The following KLHL1 variants were observed in gnomAD, a reference collection of about 807,000 sequenced individuals.
KLHL1 encodes kelch-like protein 1.
Under a neutral mutation model 77.7 loss-of-function variants are expected in KLHL1, and 47 were observed. The observed-to-expected ratio is 0.60, with a 90% CI of 0.48 to 0.77. The LOEUF is 0.77. Ranked by LOEUF, KLHL1 falls within the 30% of genes least tolerant of loss-of-function variation. The pLI, the probability that KLHL1 is intolerant of heterozygous loss-of-function variation, is 0.00. For synonymous variants in KLHL1, 360 were observed against 325.2 expected, an observed-to-expected ratio of 1.11 and a Z score of -1.15; for missense variants, 925 against 910.8, an observed-to-expected ratio of 1.02 and a Z score of -0.20.
intron 6 of KLHL1, among the ~76,000 whole-genome samples, chr13:69,803,665 G>T (rs1366412211): frequency 1.3e-5 from 2 of 152,182 alleles, no homozygotes; most frequent in African/African-American, 4.8e-5. Flanking sequence ...GGTAGATGGG[G>T]AAGGAGAGCT....
chr13:70,077,191 T>C (rs1198920076), intron 1 of KLHL1, among the ~76,000 whole-genome samples: 4 of 151,994 alleles, frequency 2.6e-5, no homozygotes, highest in African/African-American at 9.7e-5. Flanking sequence ...CATAATTTCT[T>C]AAAACTAGAA....
chr13:70,067,117 T>C (rs1887027471), intron 1 of KLHL1, among the ~76,000 whole-genome samples: 1 of 152,192 alleles, frequency 6.6e-6, no homozygotes, highest in African/African-American at 2.4e-5. Flanking sequence ...GACAAACCTG[T>C]TATTACGTGA....
At chr13:69,978,961 G>A (rs1884626469) in intron 1 of KLHL1, among the ~76,000 whole-genome samples, 1 of 152,038 alleles carries the variant, frequency 6.6e-6, no homozygotes, top group East Asian at 1.9e-4. Flanking sequence ...AGAGCTTGGT[G>A]AGACCCTGGT....
At chr13:69,902,639 A>C (rs1001282309) in intron 4 of KLHL1, among the ~76,000 whole-genome samples, 3 of 152,080 alleles carry the variant, frequency 2.0e-5, no homozygotes, top group Non-Finnish European at 2.9e-5. Context: ...CATCATTCTC[A>C]GCAAACTATC....
chr13:69,974,888 A>C (rs1884497983), intron 2 of KLHL1, among the ~76,000 whole-genome samples: 1 of 152,052 alleles, frequency 6.6e-6, no homozygotes, highest in Non-Finnish European at 1.5e-5. Context: ...TATTTGAAAA[A>C]TAAAATCAAT....
intron 1 of KLHL1, among the ~76,000 whole-genome samples, chr13:70,062,441 ACTT>A (rs1886913940): frequency 1.3e-5 from 2 of 152,200 alleles, no homozygotes; most frequent in Non-Finnish European, 2.9e-5. Context: ...TGCAGATAAA[ACTT>A]CTCAACACAA....
intron 7 of KLHL1, among the ~76,000 whole-genome samples, chr13:69,794,323 T>C (rs1048537944): frequency 6.6e-6 from 1 of 152,134 alleles, no homozygotes. Flanking sequence ...AAACGTATCA[T>C]ATGCCTTAGC....
intron 1 of KLHL1, among the ~76,000 whole-genome samples, chr13:69,984,037 G>GAAACCA (rs550664441): frequency 4.3e-4 from 65 of 152,150 alleles, no homozygotes; most frequent in African/African-American, 1.4e-3. Flanking sequence ...TGTCAGACCT[G>GAAACCA]AAACCATAAA....
intron 6 of KLHL1, among the ~76,000 whole-genome samples, chr13:69,810,464 A>T (rs1877824253): frequency 6.6e-6 from 1 of 152,148 alleles, no homozygotes; most frequent in African/African-American, 2.4e-5. Flanking sequence ...AAATTAGGGT[A>T]GAAATTAATT....
intron 4 of KLHL1, among the ~76,000 whole-genome samples, chr13:69,932,263 G>C (rs1420485745): frequency 6.6e-6 from 1 of 151,256 alleles, no homozygotes; most frequent in Non-Finnish European, 1.5e-5. Context: ...TTCATGATAG[G>C]CAAATTATTA....
chr13:70,030,452 C>CCATGTAGTT (rs1360731698), intron 1 of KLHL1, among the ~76,000 whole-genome samples: 1 of 152,186 alleles, frequency 6.6e-6, no homozygotes, highest in Non-Finnish European at 1.5e-5. Flanking sequence ...CTCAAAACCA[C>CCATGTAGTT]TCAACTACAT....
chr13:70,033,139 A>T (rs1251419109), intron 1 of KLHL1, among the ~76,000 whole-genome samples: 1 of 152,148 alleles, frequency 6.6e-6, no homozygotes, highest in African/African-American at 2.4e-5. Context: ...ATTTTGGTAA[A>T]CCTTGAATAC....
intron 4 of KLHL1, among the ~76,000 whole-genome samples, chr13:69,914,006 G>C (rs1303293700): frequency 1.3e-5 from 2 of 152,122 alleles, no homozygotes; most frequent in Non-Finnish European, 2.9e-5. Flanking sequence ...GAAGAACGTG[G>C]AAAGACTAGA....
chr13:69,878,455 A>C (rs769320633), intron 5 of KLHL1, among the ~76,000 whole-genome samples: 7 of 152,106 alleles, frequency 4.6e-5, no homozygotes, highest in Admixed American at 2.6e-4. Context: ...AAATTAATCA[A>C]GTCTCCTTCA....
At chr13:69,780,705 T>TATATATATATATATACAC (rs1876110483) in intron 7 of KLHL1, among the ~76,000 whole-genome samples, 1 of 39,884 alleles carries the variant, frequency 2.5e-5, no homozygotes, top group Non-Finnish European at 5.1e-5. Context: ...TATATATGTA[T>TATATATATATATATACAC]ATATATATAT....
At chr13:69,915,049 T>C (rs894860307) in intron 4 of KLHL1, among the ~76,000 whole-genome samples, 2 of 152,080 alleles carry the variant, frequency 1.3e-5, no homozygotes, top group African/African-American at 4.8e-5. Flanking sequence ...GTACTGCTCA[T>C]TGGAATGCAA....
intron 7 of KLHL1, among the ~76,000 whole-genome samples, chr13:69,764,182 T>C (rs879619379): frequency 6.6e-6 from 1 of 152,206 alleles, no homozygotes. Context: ...CATAGTGAAC[T>C]GTATAAATCA....
intron 3 of KLHL1, among the ~76,000 whole-genome samples, chr13:69,957,378 T>A (rs1883924187): frequency 6.6e-6 from 1 of 151,718 alleles, no homozygotes. Context: ...AGCTGTATTC[T>A]ATCAGTTTTC....
chr13:69,957,493 G>T (rs1211164450), intron 3 of KLHL1, among the ~76,000 whole-genome samples: 2 of 151,676 alleles, frequency 1.3e-5, no homozygotes, highest in African/African-American at 4.8e-5. Context: ...TTACAACGAG[G>T]ATAGCACATC....
Sources: gnomAD v4.1 joint callset for allele counts (sites outside exome capture counted in the v4.1 genomes callset) on GRCh38, gnomAD v4.1.1 for gene constraint, MANE v1.5 for transcripts, NCBI Gene and HGNC (gene_info 2026-07-23, HGNC 2026-07-21) for gene names.